DMD: variants seen among roughly 807,000 people sequenced by gnomAD.
DMD encodes dystrophin.
Under a neutral mutation model 330.1 loss-of-function variants are expected in DMD, and 63 were observed. The observed-to-expected ratio is 0.19, with a 90% confidence interval of 0.16 to 0.24. The LOEUF (loss-of-function observed/expected upper bound fraction) is 0.24, where lower values mean the gene tolerates loss of function less well. DMD is among the 10% of genes least tolerant of loss of function. DMD has a pLI of 1.00. For missense variants in DMD, 3,344 were observed against 2,684.1 expected (o/e 1.25, Z -5.43); for synonymous variants, 1,223 against 959.8 (o/e 1.27, Z -5.07).
intron 7 of DMD, among the ~76,000 whole-genome samples, chrX:32,711,516 C>A (rs935036808): frequency 9.0e-6 from 1 of 111,647 alleles, no homozygotes; most frequent in Non-Finnish European, 1.9e-5. Flanking sequence ...ATCCCATTGA[C>A]GGTTTTGGCC....
intron 11 of DMD, 86 bp downstream of exon 11, chrX:32,644,046 G>A (rs760800997): frequency 8.5e-6 from 7 of 825,630 alleles, no homozygotes; most frequent in African/African-American, 4.1e-5. Flanking sequence ...ACTGAGAATC[G>A]TAACTTAACC....
chrX:32,905,567 G>A (rs1822819682), intron 2 of DMD, among the ~76,000 whole-genome samples: 1 of 111,476 alleles, frequency 9.0e-6, no homozygotes, highest in Admixed American at 9.6e-5. Flanking sequence ...TTGTCCATGA[G>A]AGCACCCAAC....
intron 17 of DMD, among the ~76,000 whole-genome samples, chrX:32,522,311 T>C (rs2046511699): frequency 8.9e-6 from 1 of 111,975 alleles, no homozygotes; most frequent in South Asian, 3.7e-4. Flanking sequence ...GGGCAGTATT[T>C]ATGGAACTCT....
At chrX:32,822,058 C>T (rs755104398) in intron 5 of DMD, among the ~76,000 whole-genome samples, 2 of 111,209 alleles carry the variant, frequency 1.8e-5, no homozygotes, top group Non-Finnish European at 3.8e-5. Flanking sequence ...ATTTCAAAAA[C>T]GCTGATTTAT....
At chrX:32,726,484 G>A (rs1055495589) in intron 7 of DMD, among the ~76,000 whole-genome samples, 2 of 110,837 alleles carry the variant, frequency 1.8e-5, no homozygotes, top group Non-Finnish European at 3.8e-5. Flanking sequence ...GGATCTTAAG[G>A]CATAAAAATA....
chrX:31,256,604 A>T (rs1158388069), intron 63 of DMD, among the ~76,000 whole-genome samples: 1 of 111,740 alleles, frequency 8.9e-6, no homozygotes, highest in South Asian at 3.8e-4. Flanking sequence ...TACCACTAAA[A>T]TGTCTACATC....
At chrX:31,597,607 T>G (rs1192776467) in intron 55 of DMD, among the ~76,000 whole-genome samples, 1 of 112,011 alleles carries the variant, frequency 8.9e-6, no homozygotes, top group East Asian at 2.8e-4. Context: ...GGTTTTCTAA[T>G]TCACTGTGCA....
chrX:32,435,504 G>GT (rs2098257524), intron 29 of DMD, among the ~76,000 whole-genome samples: 1 of 109,135 alleles, frequency 9.2e-6, no homozygotes, highest in Non-Finnish European at 1.9e-5. Flanking sequence ...ATGAGGAAAC[G>GT]TAAGTTTAAA....
At chrX:33,089,847 G>T (rs934579392) in intron 1 of DMD, among the ~76,000 whole-genome samples, 3 of 111,483 alleles carry the variant, frequency 2.7e-5, no homozygotes, top group Non-Finnish European at 5.6e-5. Context: ...GAAAAATGAA[G>T]TAGAGCAAAG....
At chrX:32,777,508 T>A (rs1244461490) in intron 7 of DMD, among the ~76,000 whole-genome samples, 1 of 110,753 alleles carries the variant, frequency 9.0e-6, no homozygotes, top group Non-Finnish European at 1.9e-5. Flanking sequence ...CTGTTATTAT[T>A]TCAGTCATTG....
intron 2 of DMD, among the ~76,000 whole-genome samples, chrX:32,888,901 C>A (rs2084922949): frequency 9.0e-6 from 1 of 110,653 alleles, no homozygotes. Flanking sequence ...ATTCTCAAGT[C>A]CAGGCACGGA....
intron 2 of DMD, among the ~76,000 whole-genome samples, chrX:33,010,430 C>A (rs954138735): frequency 6.8e-4 from 74 of 108,771 alleles, no homozygotes; most frequent in African/African-American, 2.1e-3. Flanking sequence ...CCAAAAATCC[C>A]AAATCCAAAA....
chrX:33,309,392 T>C (rs938625936), intron 1 of DMD, among the ~76,000 whole-genome samples: 2 of 111,023 alleles, frequency 1.8e-5, no homozygotes, highest in African/African-American at 6.5e-5. Context: ...TTTGACAAAT[T>C]GAGTATATGG....
At chrX:31,290,469 ATTGT>A (rs2053607949) in intron 62 of DMD, among the ~76,000 whole-genome samples, 2 of 111,501 alleles carry the variant, frequency 1.8e-5, no homozygotes, top group East Asian at 2.8e-4. Context: ...AAATATTTTG[ATTGT>A]TTAAGGTTGT....
chrX:32,443,330 A>G (rs762474585), intron 27 of DMD, among the ~76,000 whole-genome samples: 1 of 110,415 alleles, frequency 9.1e-6, no homozygotes, highest in Admixed American at 9.7e-5. Flanking sequence ...AAACGTACCA[A>G]CCTTTCATAC....
chrX:32,048,977 C>T (rs1373660461), intron 44 of DMD, among the ~76,000 whole-genome samples: 2 of 111,217 alleles, frequency 1.8e-5, no homozygotes, highest in East Asian at 5.7e-4. Context: ...AAAGGACAAA[C>T]GAATGGAGGG....
At chrX:32,560,640 C>G (rs778200472) in intron 16 of DMD, among the ~76,000 whole-genome samples, 1 of 111,175 alleles carries the variant, frequency 9.0e-6, no homozygotes, top group Admixed American at 9.6e-5. Flanking sequence ...TTCCCTGTGC[C>G]CATGTGTTCC....
intron 37 of DMD, among the ~76,000 whole-genome samples, chrX:32,358,693 A>G (rs1025020193): frequency 1.2e-4 from 13 of 111,463 alleles, no homozygotes; most frequent in Non-Finnish European, 2.4e-4. Flanking sequence ...GGTCTTTGTC[A>G]TGAAAATAGC....
intron 27 of DMD, among the ~76,000 whole-genome samples, chrX:32,443,620 A>G (rs1387788338): frequency 9.0e-6 from 1 of 111,228 alleles, no homozygotes; most frequent in Non-Finnish European, 1.9e-5. Context: ...AACTGTCAGA[A>G]TGGATAGCTT....
Sources: gnomAD v4.1 joint callset for allele counts (sites outside exome capture counted in the v4.1 genomes callset) on GRCh38, gnomAD v4.1.1 for gene constraint, MANE v1.5 for transcripts, NCBI Gene and HGNC (gene_info 2026-07-23, HGNC 2026-07-21) for gene names.